RASA3: variants seen among roughly 807,000 people sequenced by gnomAD.
The protein encoded by RASA3 is RAS p21 protein activator 3.
In RASA3, 73 loss-of-function variants were observed where a neutral mutation model predicts 110.0. That is an observed-to-expected ratio of 0.66 (90% CI 0.55 to 0.81). The LOEUF is 0.81. Ranked by LOEUF, RASA3 falls within the 30% of genes least tolerant of loss-of-function variation. The pLI is 0.00. For missense variants in RASA3, 976 were observed against 1,113.2 expected, an observed-to-expected ratio of 0.88 and a Z score of 1.75; for synonymous variants, 500 against 451.4, an observed-to-expected ratio of 1.11 and a Z score of -1.37.
intron 20 of RASA3, among the ~76,000 whole-genome samples, chr13:113,998,423 C>A (rs932254192): frequency 5.9e-5 from 9 of 152,224 alleles, no homozygotes; most frequent in Non-Finnish European, 1.0e-4. Flanking sequence ...AAGGAACATG[C>A]GTCAACTTTG....
chr13:114,061,400 G>T (rs550803609), intron 2 of RASA3, among the ~76,000 whole-genome samples: 209 of 152,226 alleles, frequency 1.4e-3, no homozygotes, highest in African/African-American at 4.8e-3. Flanking sequence ...GCTCTTTAAG[G>T]GTGATGGGTT....
chr13:114,004,450 C>A (rs186720161), intron 18 of RASA3, among the ~76,000 whole-genome samples: 80 of 152,110 alleles, frequency 5.3e-4, no homozygotes, highest in African/African-American at 1.7e-3. Context: ...AAATGGCCAA[C>A]AAGCATACGA....
chr13:114,017,600 C>T (rs181548530), intron 11 of RASA3, among the ~76,000 whole-genome samples: 1 of 152,356 alleles, frequency 6.6e-6, no homozygotes, highest in Non-Finnish European at 1.5e-5. Flanking sequence ...TCAGGAGGAG[C>T]CTGGCTGGCC....
intron 3 of RASA3, among the ~76,000 whole-genome samples, chr13:114,043,826 T>G (rs1489977879): frequency 7.3e-6 from 1 of 137,056 alleles, no homozygotes; most frequent in African/African-American, 2.8e-5. Flanking sequence ...CTGGCCCACC[T>G]CACTCGCTGA....
chr13:114,123,938 A>C (rs546454301), intron 1 of RASA3, among the ~76,000 whole-genome samples: 143 of 152,368 alleles, frequency 9.4e-4, no homozygotes, highest in African/African-American at 3.4e-3. Flanking sequence ...TTCGGATAAC[A>C]TAAAAGAAAC....
rs183924253 is a variant in RASA3, at chr13:114,023,662, C to T, written c.680+617G>A. Among the ~76,000 whole-genome samples, 744 of 152,314 alleles carry T rather than the reference C, an allele frequency of 4.9e-3. 2 individuals are homozygous for T. The highest frequency in any genetic ancestry group is 7.4e-3 in the Non-Finnish European group (506 of 68,014). ...GCTCTCTAAATCCTGGGCCTGAGAT[C>T]GCGTCCTGACCTGCGTGAACCCACA... On this transcript the variant is annotated intron_variant, in intron 8 of 23. Transcript: ENST00000334062.
At chr13:114,022,422 G>A (rs74116432) in intron 8 of RASA3, among the ~76,000 whole-genome samples, 3,001 of 152,270 alleles carry the variant, frequency 0.02, 99 homozygotes, top group African/African-American at 0.068. Flanking sequence ...CCCTACCCAC[G>A]GGCCTGAAAC....
chr13:114,037,397 T>C (rs4883642), intron 4 of RASA3, among the ~76,000 whole-genome samples: 107,553 of 151,986 alleles, frequency 0.71, 38,890 homozygotes, highest in African/African-American at 0.87. Flanking sequence ...AGAGCGACAT[T>C]AGCCTCAGAA....
chr13:114,030,042 G>A (rs545116939), intron 4 of RASA3, among the ~76,000 whole-genome samples, 155 bp from the exon 5 acceptor site: 10 of 152,360 alleles, frequency 6.6e-5, no homozygotes, highest in East Asian at 3.9e-4. Flanking sequence ...CTCCACCCCC[G>A]GGACGCAGGG....
At chr13:114,038,797 C>T (rs1200183956) in intron 4 of RASA3, among the ~76,000 whole-genome samples, 2 of 152,152 alleles carry the variant, frequency 1.3e-5, no homozygotes, top group Non-Finnish European at 2.9e-5. Context: ...ACAAGGGTTC[C>T]CAGAGGACAC....
chr13:114,062,097 A>G (rs900222461), intron 2 of RASA3, among the ~76,000 whole-genome samples: 8 of 151,852 alleles, frequency 5.3e-5, no homozygotes, highest in African/African-American at 1.9e-4. Flanking sequence ...CTAACCTTAC[A>G]TCTATAACCT....
chr13:114,024,199 A>AT, intron 8 of RASA3, 80 bp downstream of exon 8: 1 of 1,306,450 alleles, frequency 7.7e-7, no homozygotes, highest in Non-Finnish European at 1.1e-6. Flanking sequence ...ATGACCCTAT[A>AT]TTTAGTAACA....
intron 2 of RASA3, among the ~76,000 whole-genome samples, chr13:114,064,294 C>A (rs147005316): frequency 1.7e-4 from 26 of 152,326 alleles, no homozygotes; most frequent in Non-Finnish European, 3.8e-4. Context: ...GTCCTCCCAG[C>A]CCCACCCAGA....
chr13:114,017,183 G>C (rs1329882640), intron 12 of RASA3, 54 bp downstream of exon 12: 2 of 1,509,000 alleles, frequency 1.3e-6, no homozygotes, highest in Admixed American at 3.3e-5. Flanking sequence ...CCCTCTGTTG[G>C]GGGAAATCCT....
rs148386453 is a variant in RASA3, at chr13:113,981,799, C to T, written c.2305G>A (p.Val769Ile). Reference sequence around the variant, plus strand: ...TAGGTCTCCTGGGGGTCGTCAATGACGAACGTCGAATACTCCTCCTGCTCC... The same window carrying T: ...TAGGTCTCCTGGGGGTCGTCAATGATGAACGTCGAATACTCCTCCTGCTCC... ...GPEQEEYSTF[V>I]IDDPQETYKT... The change falls in exon 23 of 24, where the codon GTC becomes ATC. Residue 769 changes from valine to isoleucine, a missense_variant. This residue lies in a region of RASA3 where 132 missense variants were observed against 152.8 expected (regional missense o/e 0.86). Transcript: ENST00000334062. 6.5e-5 allele frequency: 105 copies of T among 1,613,904 alleles called. No individual in the cohort carries two copies. The highest frequency in any genetic ancestry group is 1.3e-4 in the East Asian group (6 of 44,872).
rs539192284 is a variant in RASA3 at position 114,065,527 on chromosome 13, A to C, written c.173+8193T>G. Among the ~76,000 whole-genome samples, 294 of 152,338 alleles carry C rather than the reference A, an allele frequency of 1.9e-3. 1 individual carries two copies. The highest frequency in any genetic ancestry group is 0.014 in the Middle Eastern group (4 of 294). ...TGACTCATCCTCAGAGGCGCCCCACAGAGAAGGGGCAACTTGGCCAGGGAA... is the reference window on the plus strand; with the variant it reads ...TGACTCATCCTCAGAGGCGCCCCACCGAGAAGGGGCAACTTGGCCAGGGAA... On this transcript the variant is annotated intron_variant, in intron 2 of 23. Transcript: ENST00000334062. The surrounding 1 kb of genome is among the most constrained non-coding windows in gnomAD (Gnocchi z 4.1).
intron 4 of RASA3, among the ~76,000 whole-genome samples, chr13:114,039,041 A>C (rs2054338401): frequency 6.6e-6 from 1 of 152,242 alleles, no homozygotes; most frequent in Non-Finnish European, 1.5e-5. Context: ...CACGCTTCAC[A>C]AACCCACCCA....
At chr13:114,127,895 G>C (rs962729457) in intron 1 of RASA3, among the ~76,000 whole-genome samples, 2 of 152,112 alleles carry the variant, frequency 1.3e-5, no homozygotes, top group African/African-American at 4.8e-5. Flanking sequence ...CCAGAGTTTA[G>C]ATAAAATGAG....
Position 114,027,455 on chromosome 13 carries a change from T to C in RASA3, c.537A>G (p.Glu179=), listed in dbSNP as rs2054047325. The part of the protein sequence containing the change: ...TVTLAGPFRS[E]AKKTKVKRKT... Reference sequence around the variant, plus strand: ...TCCTCTTCACTTTCGTCTTCTTTGCTTCTGATCTGTTATCAAGTGAGAAAG... The same window carrying C: ...TCCTCTTCACTTTCGTCTTCTTTGCCTCTGATCTGTTATCAAGTGAGAAAG... The change falls in exon 7 of 24, where the codon GAA becomes GAG. Residue 179 remains glutamate, a synonymous_variant. Transcript: ENST00000334062. The C allele has an allele frequency of 6.2e-7, 1 of 1,610,406 alleles. No homozygotes were observed. Among genetic ancestry groups the C allele is most frequent in the Non-Finnish European group, 8.5e-7 (1 of 1,176,682 alleles).
Sources: allele counts gnomAD v4.1 joint callset (sites outside exome capture counted in the v4.1 genomes callset), GRCh38; gene constraint gnomAD v4.1.1; regional missense constraint gnomAD v4.1.1; non-coding constraint Gnocchi (gnomAD v3.1); transcripts MANE v1.5; gene names NCBI Gene and HGNC (gene_info 2026-07-23, HGNC 2026-07-21).